The following CCT4 variants were observed in gnomAD, a reference collection of about 807,000 sequenced individuals.
The protein encoded by CCT4 is T-complex protein 1 subunit delta.
Under a neutral mutation model 62.5 loss-of-function variants are expected in CCT4, and 17 were observed. The observed-to-expected ratio is 0.27, with a 90% CI of 0.19 to 0.41. CCT4 has a LOEUF of 0.41. Among genes scored for constraint, CCT4 ranks in the 10% least tolerant of loss-of-function variants. The probability of loss-of-function intolerance (pLI) is 1.00; values close to 1 mark genes in which losing one functional copy is unlikely to be tolerated. For synonymous variants in CCT4, 250 were observed against 229.9 expected (o/e 1.09, Z -0.79); for missense variants, 592 against 659.2 (o/e 0.90, Z 1.12).
chr2:61,876,810 T>C (rs934477213), intron 7 of CCT4, 110 bp downstream of exon 7: 4 of 916,816 alleles, frequency 4.4e-6, no homozygotes, highest in Admixed American at 5.4e-5. Context: ...TAGTAAGTCT[T>C]TTGAGATCTG....
rs141725063 is a variant in CCT4, at chr2:61,869,122, A to G, written c.1605+318T>C. ...ATGCCACTGCACTCCAGCCTGGGCAACAGAGCAAGACTTCGTCTCAGAAAA... is the reference window on the plus strand; with the variant it reads ...ATGCCACTGCACTCCAGCCTGGGCAGCAGAGCAAGACTTCGTCTCAGAAAA... On this transcript the variant is annotated intron_variant, in intron 13 of 13. Transcript: ENST00000394440. Among the ~76,000 whole-genome samples, 150 of 145,822 alleles carry G rather than the reference A, an allele frequency of 1.0e-3. 1 individual carries two copies. In the East Asian group the frequency reaches 0.027, roughly 26 times the overall value.
intron 9 of CCT4, 31 bp downstream of exon 9, chr2:61,873,165 AT>A (rs767697848): frequency 1.4e-6 from 2 of 1,455,260 alleles, no homozygotes; most frequent in Non-Finnish European, 1.9e-6. Context: ...ATTATCAGAC[AT>A]TTTCCACAAA....
Position 61,873,210 on chromosome 2 carries a change from T to A in CCT4, c.1001A>T (p.Glu334Val), listed in dbSNP as rs754650860. 6.7e-7 allele frequency: 1 copy of A among 1,484,466 alleles called. No individual in the cohort carries two copies. The highest frequency in any genetic ancestry group is 2.3e-5 in the East Asian group (1 of 44,370). 92.0% of individuals were successfully genotyped at this position (1,484,466 alleles called of 1,614,324 possible). The change falls in exon 9 of 14, where the codon GAA becomes GTA. Residue 334 changes from glutamate to valine, a missense_variant. Around this residue, in one of 3 missense-constraint regions of CCT4, gnomAD observed 522 missense variants for 571.2 expected, o/e 0.91. Coordinates refer to ENST00000394440, the MANE Select transcript of CCT4 (RefSeq NM_006430.4). ...TTAATGTTTTACCTTACAAATGAAT[T>A]CAATGTCTTCTCTTTCAATATCCTT... ...VIKDIEREDI[E>V]FICKTIGTKP... is the part of the protein sequence containing the mutation.
chr2:61,871,295 C>T (rs1002509418), intron 12 of CCT4, among the ~76,000 whole-genome samples: 5 of 152,070 alleles, frequency 3.3e-5, no homozygotes, highest in African/African-American at 1.2e-4. Context: ...ACCTCGGCCT[C>T]CCAAACAGCT....
At chr2:61,883,105 C>G (rs1017427648) in intron 3 of CCT4, among the ~76,000 whole-genome samples, 7 of 152,052 alleles carry the variant, frequency 4.6e-5, no homozygotes, top group Admixed American at 2.6e-4. Context: ...TAACTGTTTA[C>G]CAAGTATCAA....
chr2:61,874,303 A>G (rs1000764070), intron 8 of CCT4, among the ~76,000 whole-genome samples: 1 of 152,128 alleles, frequency 6.6e-6, no homozygotes, highest in African/African-American at 2.4e-5. Flanking sequence ...ACATTAATGG[A>G]GTAAATGGGA....
chr2:61,885,832 A>C (rs1669237180), intron 1 of CCT4: 1 of 152,178 alleles, frequency 6.6e-6, no homozygotes, highest in Non-Finnish European at 1.5e-5. Context: ...TCCATTCCTA[A>C]AACAGGACAA....
chr2:61,880,966 C>G (rs1028242681), intron 3 of CCT4, among the ~76,000 whole-genome samples: 2 of 152,128 alleles, frequency 1.3e-5, no homozygotes, highest in Non-Finnish European at 2.9e-5. Flanking sequence ...CTCAAAGGAT[C>G]CTCCTGCTTC....
intron 8 of CCT4, 25 bp from the exon 9 acceptor site, chr2:61,873,318 G>T: frequency 7.7e-7 from 1 of 1,299,618 alleles, no homozygotes; most frequent in Non-Finnish European, 1.1e-6. Context: ...CAGTGATTAT[G>T]TCAATGCTAG....
chr2:61,886,044 G>C (rs977782505), intron 1 of CCT4: 2 of 152,204 alleles, frequency 1.3e-5, no homozygotes, highest in Non-Finnish European at 2.9e-5. Flanking sequence ...GAACATGGTA[G>C]ATAGGTGGCC....
chr2:61,883,379 G>A (rs535952156), intron 3 of CCT4, 80 bp downstream of exon 3: 236 of 703,712 alleles, frequency 3.4e-4, no homozygotes, highest in Non-Finnish European at 5.2e-4. Flanking sequence ...ATTGTGCCAC[G>A]GCACTCTAGC....
In CCT4 at chr2:61,879,014, G is replaced by A; in HGVS notation, c.380-3C>T. On this transcript the variant is annotated splice_region_variant and splice_polypyrimidine_tract_variant and intron_variant, in intron 4 of 13. Coordinates refer to ENST00000394440, the MANE Select transcript of CCT4 (RefSeq NM_006430.4). ...AGAAATGATGGTTGGATGAATCCCT[G>A]TAATTTGTGAAAGTCTAGTTATTTA... 6.3e-7 allele frequency: 1 copy of A among 1,588,178 alleles called. No homozygotes were observed. The highest frequency in any genetic ancestry group is 8.5e-7 in the Non-Finnish European group (1 of 1,170,106).
chr2:61,887,982 TTAAA>T (rs199620367), intron 1 of CCT4: 2,834 of 161,624 alleles, frequency 0.018, 34 homozygotes, highest in Non-Finnish European at 0.023. Context: ...TAATAGTTCT[TTAAA>T]TAAGAATAAC....
intron 1 of CCT4, among the ~76,000 whole-genome samples, chr2:61,886,756 C>G (rs1371453820): frequency 2.0e-5 from 3 of 151,892 alleles, no homozygotes; most frequent in Non-Finnish European, 4.4e-5. Context: ...TCTTGGCCCC[C>G]AAATTTATCT....
chr2:61,877,586 T>C (rs1669028559), intron 5 of CCT4, 72 bp from the exon 6 acceptor site: 1 of 1,186,836 alleles, frequency 8.4e-7, no homozygotes, highest in Non-Finnish European at 1.1e-6. Flanking sequence ...ATGACAAAGA[T>C]ACTTAAGAAA....
rs1324450544 is a variant in CCT4 at position 61,888,562 on chromosome 2, T to C, written c.-55A>G. The C allele has an allele frequency of 1.9e-6, 3 of 1,582,614 alleles. No individual in the cohort carries two copies. The highest frequency in any genetic ancestry group is 1.3e-5 in the African/African-American group (1 of 74,284). ...GGGAAGGACGGATGGACCCGGATTC[T>C]GGCCGGCCGCAGTGTAATAACGGTA... is the stretch of plus-strand genomic sequence containing the variant. On this transcript the variant is annotated 5_prime_UTR_variant, in exon 1 of 14. Transcript: ENST00000394440.
chr2:61,872,013 C>G, intron 12 of CCT4, 69 bp downstream of exon 12: 1 of 1,087,066 alleles, frequency 9.2e-7, no homozygotes, highest in Admixed American at 2.2e-5. Context: ...TTCCATTCAA[C>G]AGATGACTAC....
At chr2:61,871,930 C>T in intron 12 of CCT4, 152 bp downstream of exon 12, 1 of 583,156 alleles carries the variant, frequency 1.7e-6, no homozygotes, top group Non-Finnish European at 3.0e-6. Flanking sequence ...CCTTCTCACT[C>T]AATGGCATAG....
intron 8 of CCT4, among the ~76,000 whole-genome samples, chr2:61,874,638 G>C (rs903036857): frequency 6.6e-6 from 1 of 151,856 alleles, no homozygotes; most frequent in Non-Finnish European, 1.5e-5. Context: ...GGAAAAAAGT[G>C]ATCTGTCAAA....
Sources: gnomAD v4.1 joint callset for allele counts (sites outside exome capture counted in the v4.1 genomes callset) on GRCh38, gnomAD v4.1.1 for gene constraint, gnomAD v4.1.1 regional missense constraint, MANE v1.5 for transcripts, NCBI Gene and HGNC (gene_info 2026-07-23, HGNC 2026-07-21) for gene names.